The following GEN1 variants were observed in gnomAD, a reference collection of about 807,000 sequenced individuals.
GEN1 encodes GEN1 structure-specific endonuclease.
In GEN1, 64 loss-of-function variants were observed where a neutral mutation model predicts 67.6. That is an observed-to-expected ratio of 0.95 (90% CI 0.77 to 1.17). The LOEUF is 1.17. GEN1 is among the 50% of genes most tolerant of loss of function. The pLI is 0.00. For synonymous variants in GEN1, 371 were observed against 359.4 expected, an observed-to-expected ratio of 1.03 and a Z score of -0.37; for missense variants, 1,058 against 1,048.3, an observed-to-expected ratio of 1.01 and a Z score of -0.13.
Position 17,773,260 on chromosome 2 carries a change from G to A in GEN1, c.1032G>A (p.Lys344=). ...EFLLNKDKLV[K]VIRYQRPDLL... The stretch of plus-strand genomic sequence containing the variant: ...TTTTAAACAAGGATAAATTGGTGAA[G>A]GTTATCAGGTACCAAAGACCTGATT... Residue 344 remains lysine (K), a synonymous_variant, in exon 10 of 14, where the codon AAG becomes AAA. Coordinates refer to ENST00000381254, the MANE Select transcript of GEN1 (RefSeq NM_001130009.3). 1 of 1,601,670 alleles carries A rather than the reference G, an allele frequency of 6.2e-7. No homozygotes were observed. Among genetic ancestry groups the A allele is most frequent in the Non-Finnish European group, 8.5e-7 (1 of 1,172,380 alleles).
chr2:17,763,994 C>T (rs1671805086), intron 3 of GEN1, among the ~76,000 whole-genome samples: 1 of 152,118 alleles, frequency 6.6e-6, no homozygotes, highest in Admixed American at 6.5e-5. Context: ...ACTCAGTAGT[C>T]CCTGATAGAG....
In GEN1 at chr2:17,785,573, G is replaced by A. The variant is rs1178420185; in HGVS notation, c.*3634G>A. 1 of 114,770 alleles carries A rather than the reference G, an allele frequency of 8.7e-6. No homozygotes were observed. The highest frequency in any genetic ancestry group is 3.1e-5 in the African/African-American group (1 of 31,932). 7.1% of individuals were successfully genotyped at this position (114,770 alleles called of 1,614,324 possible). A position where few individuals can be genotyped will look rare whatever the true frequency, so the allele number is the denominator to read the frequency against. ...TGTAATCAATCTTAAGTCCTTGGCG[G>A]TTTTTCTTTTAGATTTTTTTCCATA... On this transcript the variant is annotated 3_prime_UTR_variant, in exon 14 of 14. Transcript: ENST00000381254.
chr2:17,772,778 T>G lies in GEN1; in HGVS notation c.947T>G (p.Ile316Ser), dbSNP rs1257622945. Residue 316 changes from isoleucine (I) to serine (S), a missense_variant, in exon 8 of 14, where the codon ATT becomes AGT. Physicochemically the swap from Ile to Ser is moderately radical, Grantham distance 142. Transcript: ENST00000381254. The part of the protein sequence containing the change: ...DRQLSEVENN[I>S]KKKACCCEGF... ...CAACTCAGTGAAGTAGAGAACAATA[T>G]TAAGAAGTAAGTTTTTTTAAAAACT... 5.6e-6 allele frequency: 9 copies of G among 1,605,258 alleles called. No homozygotes were observed. Among genetic ancestry groups the G allele is most frequent in the African/African-American group, 1.3e-5 (1 of 74,584 alleles).
Position 17,782,022 on chromosome 2 carries a change from G to T in GEN1, c.*83G>T, listed in dbSNP as rs573251247. On this transcript the variant is annotated 3_prime_UTR_variant, in exon 14 of 14. Coordinates refer to ENST00000381254, the MANE Select transcript of GEN1 (RefSeq NM_001130009.3). ...CAGAGGGAAGGTATCTAGTTCATGT[G>T]TGGTAAAAATTTTAATGTTCTCTGT... is the stretch of plus-strand genomic sequence containing the variant. 9.9e-4 allele frequency: 749 copies of T among 755,974 alleles called. 2 individuals carry two copies. The African/African-American group carries it at 0.013, about 13-fold the overall frequency. 46.8% of individuals were successfully genotyped at this position (755,974 alleles called of 1,614,324 possible).
At position 17,765,928 on chromosome 2, in the gene GEN1, G is replaced by A. The variant is rs541537918; in HGVS notation, c.526-651G>A. ...ATGATAGCTCAGGCAGTGCAGTTAC[G>A]GGGAATGTTTACTTTCTATAATATA... On this transcript the variant is annotated intron_variant, in intron 4 of 13. Transcript: ENST00000381254. Among the ~76,000 whole-genome samples the A allele has an allele frequency of 1.6e-3, 241 of 147,046 alleles. 1 individual carries two copies. The highest frequency in any genetic ancestry group is 3.1e-3 in the Non-Finnish European group (205 of 67,208).
At chr2:17,763,617 C>T (rs2125125369) in intron 3 of GEN1, among the ~76,000 whole-genome samples, 1 of 152,282 alleles carries the variant, frequency 6.6e-6, no homozygotes, top group South Asian at 2.1e-4. Flanking sequence ...ATGGTAGAGA[C>T]ATAGAGTGGG....
intron 1 of GEN1, among the ~76,000 whole-genome samples, chr2:17,758,869 AG>A (rs1671547218): frequency 6.6e-6 from 1 of 151,778 alleles, no homozygotes. Context: ...AAAAAAAAAA[AG>A]GAATAATACT....
Position 17,781,334 on chromosome 2 carries a change from A to AT in GEN1, c.2124dup (p.Ala709CysfsTer2). 6.2e-7 allele frequency: 1 copy of AT among 1,613,792 alleles called. No homozygotes were observed. Among genetic ancestry groups the AT allele is most frequent in the Non-Finnish European group, 8.5e-7 (1 of 1,179,726 alleles). ...CATACTTAGTGTAAAAGAATCTTGT[A>AT]TTGCTAACAGTGGTTCTGATTGTAC... On this transcript the variant is annotated frameshift_variant, in exon 14 of 14. Transcript: ENST00000381254. LOFTEE classifies it low-confidence loss of function (END_TRUNC).
At chr2:17,756,166 G>A (rs187309120) in intron 1 of GEN1, among the ~76,000 whole-genome samples, 32 of 152,150 alleles carry the variant, frequency 2.1e-4, no homozygotes, top group African/African-American at 7.7e-4. Context: ...GTCTTCCCAA[G>A]GTCATACACC....
Position 17,781,512 on chromosome 2 carries a change from A to G in GEN1, c.2300A>G (p.Asn767Ser). 5 of 1,613,708 alleles carry G rather than the reference A, an allele frequency of 3.1e-6. No individual in the cohort carries two copies. The highest frequency in any genetic ancestry group is 4.2e-6 in the Non-Finnish European group (5 of 1,179,952). Residue 767 changes from asparagine to serine, a missense_variant, in exon 14 of 14, where the codon AAT becomes AGT. Transcript: ENST00000381254. Reference protein sequence around the residue: ...SVSNTVVKTCNVRPPNTALDH... With the variant: ...SVSNTVVKTCSVRPPNTALDH... Reference sequence around the variant, plus strand: ...AGTAACACAGTGGTAAAGACCTGCAATGTTAGACCACCAAATACTGCTTTA... The same window carrying G: ...AGTAACACAGTGGTAAAGACCTGCAGTGTTAGACCACCAAATACTGCTTTA...
chr2:17,756,602 A>T (rs1216140425), intron 1 of GEN1, among the ~76,000 whole-genome samples: 1 of 152,124 alleles, frequency 6.6e-6, no homozygotes, highest in Non-Finnish European at 1.5e-5. Context: ...TTTATTATTT[A>T]TTTTTATAGA....
chr2:17,787,053 T>C lies in GEN1; in HGVS notation c.*5114T>C, dbSNP rs934967578. On this transcript the variant is annotated 3_prime_UTR_variant, in exon 14 of 14. Transcript: ENST00000381254. ...TCTAGCCACCTAAGACCATTTGTTA[T>C]TCCCTGCACGGATGTCTCTGCCTGA... is the stretch of plus-strand genomic sequence containing the variant. The C allele has an allele frequency of 6.6e-6, 1 of 152,186 alleles. No homozygotes were observed. Among genetic ancestry groups the C allele is most frequent in the Non-Finnish European group, 1.5e-5 (1 of 68,042 alleles). The allele number at this position is 152,186 out of a possible 1,614,324, so 9.4% of individuals were successfully genotyped here.
At chr2:17,779,652 A>T (rs1160642999) in intron 12 of GEN1, among the ~76,000 whole-genome samples, 1 of 150,626 alleles carries the variant, frequency 6.6e-6, no homozygotes, top group East Asian at 1.9e-4. Flanking sequence ...CCCAGGCTGG[A>T]GTGTAGTGGT....
At chr2:17,773,838 C>T (rs1311553401) in intron 10 of GEN1, among the ~76,000 whole-genome samples, 1 of 152,042 alleles carries the variant, frequency 6.6e-6, no homozygotes. Context: ...CAACTGGGTA[C>T]TTACAAGTAC....
rs1314382744 is a variant in GEN1 at position 17,771,167 on chromosome 2, C to G, written c.711-29C>G. The G allele has an allele frequency of 2.8e-6, 4 of 1,450,270 alleles. No homozygotes were observed. In the African/African-American group the frequency reaches 5.6e-5, roughly 20 times the overall value. 89.8% of individuals were successfully genotyped at this position (1,450,270 alleles called of 1,614,324 possible). On this transcript the variant is annotated intron_variant, in intron 6 of 13. Coordinates refer to ENST00000381254, the MANE Select transcript of GEN1 (RefSeq NM_001130009.3). ...CGTTTTTGTGACCTCATTTTTTTTCCTTTTTTTAAAAACCACTTTCTATTA... is the reference window on the plus strand; with the variant it reads ...CGTTTTTGTGACCTCATTTTTTTTCGTTTTTTTAAAAACCACTTTCTATTA...
Position 17,759,999 on chromosome 2 carries a change from T to C in GEN1, c.56T>C (p.Leu19Ser), listed in dbSNP as rs1231234308. Residue 19 changes from leucine to serine, a missense_variant, in exon 2 of 14, where the codon TTG becomes TCG. Physicochemically the swap from Leu to Ser is moderately radical, Grantham distance 145. Coordinates refer to ENST00000381254, the MANE Select transcript of GEN1 (RefSeq NM_001130009.3). ...GAGCCTGTTAAGCAACACATCCCCT[T>C]GCGTAATCTTGGTGGGAAAACCATT... The part of the protein sequence containing the change: ...ILEPVKQHIP[L>S]RNLGGKTIAV... 1 of 1,614,102 alleles carries C rather than the reference T, an allele frequency of 6.2e-7. No homozygotes were observed. Among genetic ancestry groups the C allele is most frequent in the Admixed American group, 1.7e-5 (1 of 60,008 alleles).
intron 5 of GEN1, among the ~76,000 whole-genome samples, chr2:17,767,559 T>C (rs969125849): frequency 6.6e-6 from 1 of 152,152 alleles, no homozygotes; most frequent in Non-Finnish European, 1.5e-5. Flanking sequence ...AAAGAAACTT[T>C]TAAATACCAC....
chr2:17,770,970 C>G (rs946999530), intron 6 of GEN1: 1 of 569,072 alleles, frequency 1.8e-6, no homozygotes, highest in African/African-American at 1.9e-5. Context: ...TACACACACA[C>G]ATATACTCTC....
intron 11 of GEN1, among the ~76,000 whole-genome samples, chr2:17,776,415 G>C (rs1001496124): frequency 6.6e-6 from 1 of 151,972 alleles, no homozygotes; most frequent in Non-Finnish European, 1.5e-5. Context: ...AAAGTTTTTT[G>C]TGGCAATGTA....
Sources: gnomAD v4.1 joint callset for allele counts (sites outside exome capture counted in the v4.1 genomes callset) on GRCh38, gnomAD v4.1.1 for gene constraint, MANE v1.5 for transcripts, NCBI Gene and HGNC (gene_info 2026-07-23, HGNC 2026-07-21) for gene names.